Variants in PDE1C observed in about 807,000 individuals in gnomAD.
The protein encoded by PDE1C is dual specificity calcium/calmodulin-dependent 3',5'-cyclic nucleotide phosphodiesterase 1C.
In PDE1C, 62 loss-of-function variants were observed where a neutral mutation model predicts 93.1. That is an observed-to-expected ratio of 0.67 (90% CI 0.54 to 0.82). The LOEUF (loss-of-function observed/expected upper bound fraction) is 0.82, where lower values mean the gene tolerates loss of function less well. Ranked by LOEUF, PDE1C falls within the 40% of genes least tolerant of loss-of-function variation. The probability of loss-of-function intolerance (pLI) is 0.00; values close to 1 mark genes in which losing one functional copy is unlikely to be tolerated. For synonymous variants in PDE1C, 325 were observed against 310.1 expected, an observed-to-expected ratio of 1.05 and a Z score of -0.50; for missense variants, 742 against 884.6, an observed-to-expected ratio of 0.84 and a Z score of 2.04.
rs376298506 is a variant in PDE1C, at chr7:31,965,422, GAAAC to G, written c.129-84566_129-84563del. Among the ~76,000 whole-genome samples, 311 of 152,290 alleles carry G rather than the reference GAAAC, an allele frequency of 2.0e-3. 11 individuals are homozygous for G. The South Asian group carries it at 0.051, about 25-fold the overall frequency. ...AAGTTTAGAGAAAAAAGAACAAAAA[GAAAC>G]AAACAAAGCCTCCAAGAAATATGGG... On this transcript the variant is annotated intron_variant, in intron 2 of 17. Transcript: ENST00000396191.
At chr7:31,971,701 G>C (rs764754318) in intron 2 of PDE1C, among the ~76,000 whole-genome samples, 11 of 152,300 alleles carry the variant, frequency 7.2e-5, no homozygotes, top group Non-Finnish European at 1.0e-4. Context: ...CAGTCATTGG[G>C]AAGCACTAAC....
intron 2 of PDE1C, among the ~76,000 whole-genome samples, chr7:31,956,519 T>C (rs971578221): frequency 2.6e-5 from 4 of 151,410 alleles, no homozygotes; most frequent in East Asian, 1.9e-4. Flanking sequence ...AACTCAGATA[T>C]ATCTGGAAGC....
chr7:31,927,086 G>A (rs887795852), intron 2 of PDE1C, among the ~76,000 whole-genome samples: 3 of 152,150 alleles, frequency 2.0e-5, no homozygotes, highest in African/African-American at 7.2e-5. Context: ...TGCCAGCACA[G>A]CAATCTGAAG....
intron 16 of PDE1C, among the ~76,000 whole-genome samples, chr7:31,795,843 A>G (rs949069075): frequency 3.3e-5 from 5 of 151,674 alleles, no homozygotes; most frequent in African/African-American, 1.2e-4. Flanking sequence ...AAAACCAATT[A>G]TGTTGGGTTA....
intron 2 of PDE1C, among the ~76,000 whole-genome samples, chr7:31,986,208 T>C (rs930429125): frequency 2.6e-4 from 40 of 152,178 alleles, no homozygotes; most frequent in Non-Finnish European, 1.2e-4. Flanking sequence ...CTTCCTTGCC[T>C]CCTCCTAGCT....
chr7:31,774,035 G>T (rs1283610180), intron 17 of PDE1C, among the ~76,000 whole-genome samples: 1 of 152,160 alleles, frequency 6.6e-6, no homozygotes, highest in African/African-American at 2.4e-5. Context: ...TTTGACTTGG[G>T]TGAGGGAGCT....
At chr7:31,805,048 G>A (rs1197894599) in intron 16 of PDE1C, among the ~76,000 whole-genome samples, 3 of 151,568 alleles carry the variant, frequency 2.0e-5, no homozygotes, top group Admixed American at 6.6e-5. Flanking sequence ...TAAGTCTCAC[G>A]AGATGTGATG....
At chr7:31,767,881 C>T (rs1426520506) in intron 17 of PDE1C, among the ~76,000 whole-genome samples, 1 of 152,142 alleles carries the variant, frequency 6.6e-6, no homozygotes, top group African/African-American at 2.4e-5. Context: ...GGTCGTTAAT[C>T]CCATTTGTGA....
At chr7:32,022,954 CTTCTAT>C (rs1346232561) in intron 2 of PDE1C, among the ~76,000 whole-genome samples, 3 of 147,418 alleles carry the variant, frequency 2.0e-5, no homozygotes, top group Admixed American at 6.8e-5. Flanking sequence ...CTTTCTTTAC[CTTCTAT>C]TTCTTTTTTT....
intron 1 of PDE1C, among the ~76,000 whole-genome samples, chr7:32,362,714 A>G (rs1362657084): frequency 6.6e-6 from 1 of 152,184 alleles, no homozygotes; most frequent in Non-Finnish European, 1.5e-5. Flanking sequence ...CAAAGGCAAC[A>G]AGGAGCAGAT....
rs761399274 is a variant in PDE1C, at chr7:31,875,831, A to ATATATATATATATATATATG, written c.492+2138_492+2139insCATATATATATATATATATA. Among the ~76,000 whole-genome samples, 166 of 90,082 alleles carry ATATATATATATATATATATG rather than the reference A, an allele frequency of 1.8e-3. 16 individuals are homozygous for ATATATATATATATATATATG. The highest frequency in any genetic ancestry group is 6.9e-3 in the Middle Eastern group (1 of 144). The allele number at this position is 90,082 out of a possible 152,430, so 59.1% of individuals were successfully genotyped here. A position where few individuals can be genotyped will look rare whatever the true frequency, so the allele number is the denominator to read the frequency against. On this transcript the variant is annotated intron_variant, in intron 5 of 17. Coordinates refer to ENST00000396191, the MANE Select transcript of PDE1C (RefSeq NM_001191057.4). ...TATATATATATATATATATATATAT[A>ATATATATATATATATATATG]TATAATGGAAAAAGTAAAATAACAT...
intron 2 of PDE1C, among the ~76,000 whole-genome samples, chr7:31,881,653 T>C (rs1459019101): frequency 6.6e-6 from 1 of 152,146 alleles, no homozygotes; most frequent in African/African-American, 2.4e-5. Context: ...TAACCAGCAA[T>C]GAAAAGAGTA....
Position 32,027,966 on chromosome 7 carries a change from G to C in PDE1C, c.128+23588C>G, listed in dbSNP as rs551755968. Among the ~76,000 whole-genome samples, 4 of 152,150 alleles carry C rather than the reference G, an allele frequency of 2.6e-5. No individual in the cohort carries two copies. In the South Asian group the frequency reaches 8.3e-4, roughly 32 times the overall value. On this transcript the variant is annotated intron_variant, in intron 2 of 17. Coordinates refer to ENST00000396191, the MANE Select transcript of PDE1C (RefSeq NM_001191057.4). ...TTAATCACCTTTAGGTACTAAAGGT[G>C]GGATTAGAACTTAAGTATGTCTCTA...
intron 1 of PDE1C, among the ~76,000 whole-genome samples, chr7:32,424,850 A>G (rs1349476380): frequency 7.9e-5 from 12 of 152,088 alleles, no homozygotes; most frequent in Non-Finnish European, 1.5e-5. Flanking sequence ...AAAATAAATA[A>G]ATAAACTAAA....
chr7:32,169,873 C>A, exon 3 of PDE1C: 1 of 1,612,584 alleles, frequency 6.2e-7, no homozygotes, highest in Non-Finnish European at 8.5e-7. Context: ...GGGTCATGGA[C>A]AATTGTTGGC....
At chr7:32,246,635 T>C (rs1808978766) in intron 1 of PDE1C, among the ~76,000 whole-genome samples, 1 of 152,184 alleles carries the variant, frequency 6.6e-6, no homozygotes, top group Non-Finnish European at 1.5e-5. Flanking sequence ...ATTTAAAAAA[T>C]ATTTATTGCA....
At chr7:32,225,238 T>C (rs1807171724) in intron 1 of PDE1C, among the ~76,000 whole-genome samples, 1 of 152,136 alleles carries the variant, frequency 6.6e-6, no homozygotes, top group South Asian at 2.1e-4. Flanking sequence ...GCTTTTGGAA[T>C]GCCCATTATA....
chr7:31,644,696 A>G, the PDE1C span, among the ~76,000 whole-genome samples: 1 of 152,108 alleles, frequency 6.6e-6, no homozygotes, highest in Non-Finnish European at 1.5e-5. Flanking sequence ...CCCTTCCAGT[A>G]CCTCCTTTTT....
intron 16 of PDE1C, among the ~76,000 whole-genome samples, chr7:31,779,622 C>T (rs1363208532): frequency 1.3e-5 from 2 of 152,128 alleles, no homozygotes; most frequent in Admixed American, 6.5e-5. Context: ...AGCCATCCCA[C>T]CTCTCATAAC....
Sources: allele counts gnomAD v4.1 joint callset (sites outside exome capture counted in the v4.1 genomes callset), GRCh38; gene constraint gnomAD v4.1.1; transcripts MANE v1.5; gene names NCBI Gene and HGNC (gene_info 2026-07-23, HGNC 2026-07-21).